Variants in C16orf74 observed in about 807,000 individuals in gnomAD.
The protein encoded by C16orf74 is uncharacterized protein C16orf74.
Under a neutral mutation model 6.5 loss-of-function variants are expected in C16orf74, and 10 were observed. That is an observed-to-expected ratio of 1.54 (90% confidence interval 0.95 to 2.61). C16orf74 has a LOEUF of 2.61. C16orf74 is among the 30% of genes most tolerant of loss of function. The pLI is 0.00. For missense variants in C16orf74, 141 were observed against 105.9 expected (o/e 1.33, Z -1.45); for synonymous variants, 60 against 42.5 (o/e 1.41, Z -1.60).
At chr16:85,721,126 C>G (rs1383708203) in intron 2 of C16orf74, among the ~76,000 whole-genome samples, 1 of 152,048 alleles carries the variant, frequency 6.6e-6, no homozygotes, top group Non-Finnish European at 1.5e-5. Flanking sequence ...CAGGTCCAGC[C>G]CTTGCTCCAT....
chr16:85,709,006 C>T (rs572122280), intron 3 of C16orf74, among the ~76,000 whole-genome samples: 1 of 152,232 alleles, frequency 6.6e-6, no homozygotes, highest in Non-Finnish European at 1.5e-5. Context: ...TGCATGCCTG[C>T]GGCACCCGTG....
chr16:85,714,393 ATTTATTTATTAT>A (rs1178696714), intron 2 of C16orf74, among the ~76,000 whole-genome samples: 4 of 80,896 alleles, frequency 4.9e-5, no homozygotes, highest in Non-Finnish European at 6.8e-5. Context: ...TTATTTATTT[ATTTATTTATTAT>A]TTATTTATTT....
intron 2 of C16orf74, 127 bp from the exon 3 acceptor site, chr16:85,710,434 G>A: frequency 1.2e-6 from 1 of 840,276 alleles, no homozygotes; most frequent in Non-Finnish European, 1.7e-6. Flanking sequence ...CTCGCAGCAA[G>A]GAGCGCAGCT....
chr16:85,721,928 T>G (rs1223412601), intron 2 of C16orf74, among the ~76,000 whole-genome samples: 1 of 149,622 alleles, frequency 6.7e-6, no homozygotes, highest in African/African-American at 2.4e-5. Context: ...TTATCAGCGC[T>G]AACAATTGCT....
intron 2 of C16orf74, among the ~76,000 whole-genome samples, chr16:85,718,250 T>C (rs1422587987): frequency 6.6e-6 from 1 of 152,118 alleles, no homozygotes; most frequent in Admixed American, 6.5e-5. Flanking sequence ...AGTTTTAAAC[T>C]TTTTTGTAGA....
chr16:85,713,977 G>A (rs2053994812), intron 2 of C16orf74, among the ~76,000 whole-genome samples: 1 of 152,212 alleles, frequency 6.6e-6, no homozygotes, highest in Non-Finnish European at 1.5e-5. Flanking sequence ...AGAGCCTCCA[G>A]TGACTTCTGT....
chr16:85,719,243 G>C (rs1479452139), intron 2 of C16orf74, among the ~76,000 whole-genome samples: 1 of 152,218 alleles, frequency 6.6e-6, no homozygotes, highest in Non-Finnish European at 1.5e-5. Flanking sequence ...AGGTGCTGCA[G>C]ACACTGCTGC....
chr16:85,741,051 C>T (rs2054301405), intron 1 of C16orf74, among the ~76,000 whole-genome samples: 1 of 152,128 alleles, frequency 6.6e-6, no homozygotes, highest in South Asian at 2.1e-4. Context: ...AACTTTGAAA[C>T]TGCTTCAAGA....
intron 1 of C16orf74, among the ~76,000 whole-genome samples, chr16:85,737,151 G>A (rs148289932): frequency 1.3e-5 from 2 of 152,304 alleles, no homozygotes; most frequent in East Asian, 1.9e-4. Context: ...GGAGAAGTCC[G>A]AACAATGTCA....
At chr16:85,723,483 C>T (rs2054103010) in intron 2 of C16orf74, among the ~76,000 whole-genome samples, 1 of 151,950 alleles carries the variant, frequency 6.6e-6, no homozygotes. Context: ...ATTTTTCACC[C>T]AACAGATTGG....
chr16:85,718,073 GTTC>G lies in C16orf74; in HGVS notation c.29-7769_29-7767del, dbSNP rs568387632. On this transcript the variant is annotated intron_variant, in intron 2 of 3. Transcript: ENST00000284245. ...CACGGCTCACGTGCGCCCTCTACTAGTTCTTTTTCATTTCATTTAAATTAATGA... is the reference window on the plus strand; with the variant it reads ...CACGGCTCACGTGCGCCCTCTACTAGTTTTTCATTTCATTTAAATTAATGA... Among the ~76,000 whole-genome samples, 17 of 152,296 alleles carry G rather than the reference GTTC, an allele frequency of 1.1e-4. No homozygotes were observed. In the South Asian group the frequency reaches 3.5e-3, roughly 32 times the overall value.
At chr16:85,745,487 GTTCT>G (rs2054363453) in intron 1 of C16orf74, among the ~76,000 whole-genome samples, 1 of 152,224 alleles carries the variant, frequency 6.6e-6, no homozygotes, top group Non-Finnish European at 1.5e-5. Flanking sequence ...AAAATGATGT[GTTCT>G]TTCATAAAGT....
At chr16:85,740,081 G>A (rs943473759) in intron 1 of C16orf74, among the ~76,000 whole-genome samples, 1 of 149,786 alleles carries the variant, frequency 6.7e-6, no homozygotes, top group Non-Finnish European at 1.5e-5. Context: ...GTGGTGGCAG[G>A]CACCCGTAAT....
chr16:85,739,972 G>A (rs533494426), intron 1 of C16orf74, among the ~76,000 whole-genome samples: 1 of 151,986 alleles, frequency 6.6e-6, no homozygotes, highest in African/African-American at 2.4e-5. Context: ...CACTTAGGGA[G>A]GCCGAGGCGG....
At chr16:85,712,017 A>G (rs2053975270) in intron 2 of C16orf74, among the ~76,000 whole-genome samples, 1 of 152,260 alleles carries the variant, frequency 6.6e-6, no homozygotes, top group Non-Finnish European at 1.5e-5. Context: ...CGGTGAGGTC[A>G]TAAAAGACAT....
At chr16:85,720,272 C>T (rs965331514) in intron 2 of C16orf74, among the ~76,000 whole-genome samples, 13 of 152,154 alleles carry the variant, frequency 8.5e-5, no homozygotes, top group Non-Finnish European at 1.6e-4. Flanking sequence ...ACAGGAGCTT[C>T]GACACACCAA....
chr16:85,749,364 T>A lies in C16orf74; in HGVS notation c.-19+1562A>T, dbSNP rs564894986. On this transcript the variant is annotated intron_variant, in intron 1 of 3. Coordinates refer to ENST00000284245, the MANE Select transcript of C16orf74 (RefSeq NM_206967.3). ...GCAGTGGCGTGATCATAGCTCACTG[T>A]AGCCTCAACTTCTTGGGCTCAAGGA... Among the ~76,000 whole-genome samples the A allele has an allele frequency of 3.3e-5, 5 of 152,258 alleles. No homozygotes were observed. The South Asian group carries it at 1.0e-3, about 32-fold the overall frequency.
In C16orf74 at chr16:85,708,058, C is replaced by T. The variant is rs369828885; in HGVS notation, c.181G>A (p.Asp61Asn). The T allele has an allele frequency of 1.2e-5, 18 of 1,553,184 alleles. No individual in the cohort carries two copies. The African/African-American group carries it at 2.2e-4, about 19-fold the overall frequency. Residue 61 changes from aspartate (D) to asparagine (N), a missense_variant, in exon 4 of 4, where the codon GAT becomes AAT. Transcript: ENST00000284245. ...PRDLGSTVWLDETGSCPDDGE... is the reference protein window; with the variant it reads ...PRDLGSTVWLNETGSCPDDGE... The stretch of plus-strand genomic sequence containing the variant: ...TCATCTGGGCACGACCCTGTCTCAT[C>T]CAGCCAGACTAGGAGAAAGAGGGGA...
chr16:85,708,938 G>T (rs1032320757), intron 3 of C16orf74, among the ~76,000 whole-genome samples: 1 of 152,260 alleles, frequency 6.6e-6, no homozygotes, highest in Non-Finnish European at 1.5e-5. Flanking sequence ...TGCCACTTGC[G>T]GGGAGGACAT....
Sources: gnomAD v4.1 joint callset for allele counts (sites outside exome capture counted in the v4.1 genomes callset) on GRCh38, gnomAD v4.1.1 for gene constraint, MANE v1.5 for transcripts, NCBI Gene and HGNC (gene_info 2026-07-23, HGNC 2026-07-21) for gene names.